Variants in NRG3 observed in about 807,000 individuals in gnomAD.
The protein encoded by NRG3 is neuregulin 3, also known as pro-neuregulin-3, membrane-bound isoform.
In NRG3, 31 loss-of-function variants were observed where a neutral mutation model predicts 66.9. The ratio of observed to expected loss-of-function variants is 0.46; its 90% CI spans 0.35 to 0.63. The LOEUF (loss-of-function observed/expected upper bound fraction) is 0.63, where lower values mean the gene tolerates loss of function less well. Among genes scored for constraint, NRG3 ranks in the 20% least tolerant of loss-of-function variants. The probability of loss-of-function intolerance (pLI) is 0.00; values close to 1 mark genes in which losing one functional copy is unlikely to be tolerated. For missense variants in NRG3, 910 were observed against 878.9 expected (o/e 1.04, Z -0.45); for synonymous variants, 393 against 359.4 (o/e 1.09, Z -1.06).
intron 6 of NRG3, among the ~76,000 whole-genome samples, chr10:82,966,765 A>G (rs1592118542): frequency 6.6e-6 from 1 of 152,208 alleles, no homozygotes. Context: ...ATCAGTATAA[A>G]TAAACTCATG....
chr10:82,613,013 T>A (rs1359291396), intron 2 of NRG3, among the ~76,000 whole-genome samples: 3 of 152,182 alleles, frequency 2.0e-5, no homozygotes, highest in Non-Finnish European at 4.4e-5. Flanking sequence ...TATAGCTACT[T>A]AGATGACAGA....
intron 1 of NRG3, among the ~76,000 whole-genome samples, chr10:81,894,144 C>T (rs1379318104): frequency 5.3e-5 from 8 of 152,044 alleles, no homozygotes; most frequent in African/African-American, 1.9e-4. Flanking sequence ...AGTTTAAGAC[C>T]AACCTGATCA....
chr10:82,642,641 C>G (rs1278255745), intron 2 of NRG3, among the ~76,000 whole-genome samples: 2 of 150,890 alleles, frequency 1.3e-5, no homozygotes, highest in Non-Finnish European at 1.5e-5. Flanking sequence ...TTCCAATATA[C>G]ATACATACTG....
intron 6 of NRG3, among the ~76,000 whole-genome samples, chr10:82,969,653 CATT>C (rs938702413): frequency 2.0e-5 from 3 of 152,214 alleles, no homozygotes; most frequent in African/African-American, 7.2e-5. Flanking sequence ...GAAAATAAAA[CATT>C]TAATTGGAGC....
In NRG3 at chr10:82,696,705, AAG is replaced by A. The variant is rs142877595; in HGVS notation, c.954-41869_954-41868del. On this transcript the variant is annotated intron_variant, in intron 2 of 8. Transcript: ENST00000372141. ...TTGGTCAAATGGAAAAACCAAGTCC[AAG>A]AGTCAAGCAAAAGGCCAAGAGTTTT... Among the ~76,000 whole-genome samples the A allele has an allele frequency of 5.1e-3, 774 of 152,234 alleles. 4 individuals carry two copies. The highest frequency in any genetic ancestry group is 0.018 in the African/African-American group (734 of 41,536).
At chr10:82,618,071 A>T (rs2048783098) in intron 2 of NRG3, among the ~76,000 whole-genome samples, 1 of 152,190 alleles carries the variant, frequency 6.6e-6, no homozygotes, top group Non-Finnish European at 1.5e-5. Flanking sequence ...TGTTTTAGAC[A>T]GATTTCCTCC....
chr10:82,928,952 G>T (rs1847289082), intron 4 of NRG3, among the ~76,000 whole-genome samples: 1 of 152,118 alleles, frequency 6.6e-6, no homozygotes, highest in African/African-American at 2.4e-5. Flanking sequence ...AATTGCATGG[G>T]AGTCCCACTG....
chr10:82,102,290 T>C (rs1170135049), intron 1 of NRG3, among the ~76,000 whole-genome samples: 2 of 150,078 alleles, frequency 1.3e-5, no homozygotes, highest in African/African-American at 4.9e-5. Context: ...ATCCCATCAT[T>C]CTTTGGTGTT....
intron 1 of NRG3, among the ~76,000 whole-genome samples, chr10:82,169,609 A>C (rs2072396689): frequency 1.3e-5 from 2 of 151,634 alleles, no homozygotes; most frequent in South Asian, 4.2e-4. Flanking sequence ...TTGATTCTAC[A>C]ATTTGATTTG....
chr10:82,972,104 A>G (rs941348545), intron 6 of NRG3, among the ~76,000 whole-genome samples: 2 of 152,064 alleles, frequency 1.3e-5, no homozygotes, highest in Non-Finnish European at 2.9e-5. Flanking sequence ...ATTTATTTCC[A>G]ATTTACCATG....
intron 1 of NRG3, among the ~76,000 whole-genome samples, chr10:81,965,172 GACCCTGGCAC>G (rs2059685648): frequency 6.6e-6 from 1 of 152,204 alleles, no homozygotes. Flanking sequence ...CTACATGGGT[GACCCTGGCAC>G]AGGCCTGAGT....
At chr10:82,556,345 C>T (rs1446545769) in intron 2 of NRG3, among the ~76,000 whole-genome samples, 1 of 152,028 alleles carries the variant, frequency 6.6e-6, no homozygotes, top group Non-Finnish European at 1.5e-5. Flanking sequence ...TGGCAGTGTG[C>T]TCTAGAGCTA....
chr10:82,244,784 T>A (rs956623402), intron 1 of NRG3, among the ~76,000 whole-genome samples: 4 of 152,052 alleles, frequency 2.6e-5, no homozygotes, highest in African/African-American at 7.2e-5. Context: ...CCCAGGCTGG[T>A]GTGCAGTGGC....
intron 3 of NRG3, among the ~76,000 whole-genome samples, chr10:82,786,568 G>A (rs1207002398): frequency 3.9e-5 from 6 of 152,054 alleles, no homozygotes; most frequent in African/African-American, 1.4e-4. Context: ...GATAAATCAC[G>A]CCTTGAGTAT....
intron 1 of NRG3, among the ~76,000 whole-genome samples, chr10:82,266,619 ATG>A (rs559549979): frequency 2.4e-4 from 36 of 152,170 alleles, no homozygotes; most frequent in Non-Finnish European, 5.0e-4. Context: ...AGAATCCAGG[ATG>A]TGGTACTGTT....
At chr10:81,951,291 T>C (rs1797861426) in intron 1 of NRG3, among the ~76,000 whole-genome samples, 1 of 152,214 alleles carries the variant, frequency 6.6e-6, no homozygotes. Flanking sequence ...AGCTGTTGTC[T>C]GTCCTTTTTC....
intron 2 of NRG3, among the ~76,000 whole-genome samples, chr10:82,712,537 C>A (rs2056736175): frequency 6.6e-6 from 1 of 152,144 alleles, no homozygotes; most frequent in African/African-American, 2.4e-5. Flanking sequence ...GAGCTGGGTG[C>A]AGATAATTTG....
intron 1 of NRG3, among the ~76,000 whole-genome samples, chr10:81,902,816 T>A (rs1208650523): frequency 6.6e-6 from 1 of 152,166 alleles, no homozygotes; most frequent in Non-Finnish European, 1.5e-5. Flanking sequence ...AGGATTAAAA[T>A]CTTTGGCACT....
rs754116398 is a variant in NRG3, at chr10:82,979,041, C to G, written c.1504C>G (p.Leu502Val). 2 of 1,613,972 alleles carry G rather than the reference C, an allele frequency of 1.2e-6. No individual in the cohort carries two copies. Among genetic ancestry groups the G allele is most frequent in the African/African-American group, 2.7e-5 (2 of 74,914 alleles). The change falls in exon 8 of 9, where the codon CTA becomes GTA. Residue 502 changes from leucine to valine, a missense_variant. Coordinates refer to ENST00000372141, the MANE Select transcript of NRG3 (RefSeq NM_001010848.4). ...RRTPPSPRSR[L>V]GGIVGPAYQQ... ...GACACCCCCGTCACCCCGAAGTAGG[C>G]TAGGTGGAATTGTGGGACCAGCATA...
Sources: allele counts gnomAD v4.1 joint callset (sites outside exome capture counted in the v4.1 genomes callset), GRCh38; gene constraint gnomAD v4.1.1; transcripts MANE v1.5; gene names NCBI Gene and HGNC (gene_info 2026-07-23, HGNC 2026-07-21).